PC: variants seen among roughly 807,000 people sequenced by gnomAD.
The protein encoded by PC is pyruvate carboxylase.
In PC, 46 loss-of-function variants were observed where a neutral mutation model predicts 107.8. That is an observed-to-expected ratio of 0.43 (90% confidence interval 0.34 to 0.55). The LOEUF (loss-of-function observed/expected upper bound fraction) is 0.55, where lower values mean the gene tolerates loss of function less well. Among genes scored for constraint, PC ranks in the 20% least tolerant of loss-of-function variants. The pLI, the probability that PC is intolerant of heterozygous loss-of-function variation, is 0.04. For missense variants in PC, 1,241 were observed against 1,643.1 expected (o/e 0.76, Z 4.23); for synonymous variants, 662 against 684.7 (o/e 0.97, Z 0.52).
At chr11:66,873,423 AT>A (rs1946825664) in intron 3 of PC, among the ~76,000 whole-genome samples, 1 of 84,264 alleles carries the variant, frequency 1.2e-5, no homozygotes, top group Non-Finnish European at 2.1e-5. Context: ...TATATAATAT[AT>A]TATATATATT....
intron 3 of PC, among the ~76,000 whole-genome samples, chr11:66,924,444 A>C (rs971790908): frequency 1.3e-5 from 2 of 151,782 alleles, no homozygotes; most frequent in Non-Finnish European, 2.9e-5. Context: ...GAAAGAAAGG[A>C]AAAAAGTTAG....
intron 3 of PC, among the ~76,000 whole-genome samples, chr11:66,874,126 A>T (rs560559701): frequency 6.6e-6 from 1 of 152,034 alleles, no homozygotes; most frequent in South Asian, 2.1e-4. Context: ...CGCCCAGCTA[A>T]TTTTTGTATT....
chr11:66,946,703 C>T (rs1004626827), intron 3 of PC, among the ~76,000 whole-genome samples: 3 of 152,012 alleles, frequency 2.0e-5, no homozygotes, highest in Non-Finnish European at 2.9e-5. Context: ...ATGGGAGGAT[C>T]GCTTGAGCAT....
intron 3 of PC, among the ~76,000 whole-genome samples, chr11:66,941,211 T>A (rs193224867): frequency 6.6e-6 from 1 of 152,042 alleles, no homozygotes; most frequent in African/African-American, 2.4e-5. Context: ...TTGGTGAGGA[T>A]GTGGAAAAAC....
chr11:66,874,055 G>C (rs915806584), intron 3 of PC, among the ~76,000 whole-genome samples: 3 of 152,066 alleles, frequency 2.0e-5, no homozygotes, highest in Non-Finnish European at 2.9e-5. Flanking sequence ...CGCCTCCTGG[G>C]TTCGAGTGAT....
intron 3 of PC, among the ~76,000 whole-genome samples, chr11:66,904,667 G>A (rs189699301): frequency 2.4e-4 from 36 of 152,310 alleles, no homozygotes; most frequent in African/African-American, 7.7e-4. Context: ...AAAGACACGA[G>A]TTCTAATGAA....
chr11:66,910,966 G>A (rs1306945594), intron 3 of PC, among the ~76,000 whole-genome samples: 3 of 152,170 alleles, frequency 2.0e-5, no homozygotes, highest in African/African-American at 2.4e-5. Flanking sequence ...GGGAATTTAC[G>A]TAACCTTCTG....
At chr11:66,859,913 G>C (rs1265440558) in intron 12 of PC, 6 of 1,583,156 alleles carry the variant, frequency 3.8e-6, no homozygotes, top group Non-Finnish European at 5.1e-6. Flanking sequence ...TTCGGGGCCG[G>C]GGGGCCGGAA....
chr11:66,868,826 G>T lies in PC; in HGVS notation c.1022+20C>A. On this transcript the variant is annotated intron_variant, in intron 10 of 22. Coordinates refer to ENST00000393960, the MANE Select transcript of PC (RefSeq NM_001040716.2). ...TCCTAGAAGCCGCGCCTCCCGCCCCGCCTGCCCGCCCACACTCACTCGGTG... is the reference window on the plus strand; with the variant it reads ...TCCTAGAAGCCGCGCCTCCCGCCCCTCCTGCCCGCCCACACTCACTCGGTG... The T allele has an allele frequency of 1.3e-6, 2 of 1,588,314 alleles. No individual in the cohort carries two copies. Among genetic ancestry groups the T allele is most frequent in the Non-Finnish European group, 8.6e-7 (1 of 1,157,154 alleles).
Position 66,858,351 on chromosome 11 carries a change from A to C in PC, c.1369-4968T>G. 6.2e-7 allele frequency: 1 copy of C among 1,600,944 alleles called. No homozygotes were observed. The highest frequency in any genetic ancestry group is 8.5e-7 in the Non-Finnish European group (1 of 1,176,930). ...GCTCTCCCGCCTGGACCTCACCTCC[A>C]ACCGCCTGGCCACGCTGGCTCCGGA... On this transcript the variant is annotated intron_variant, in intron 12 of 22. Transcript: ENST00000393960. This position sits in a 1 kb window ranked among gnomAD's most constrained non-coding sequence, Gnocchi z 5.9.
chr11:66,933,043 C>CA (rs1401827244), intron 3 of PC, among the ~76,000 whole-genome samples: 8 of 152,202 alleles, frequency 5.3e-5, no homozygotes, highest in Non-Finnish European at 8.8e-5. Context: ...TTAACTCTAA[C>CA]ACCTACAAAT....
At chr11:66,855,487 T>C (rs1360664698) in intron 12 of PC, among the ~76,000 whole-genome samples, 1 of 152,126 alleles carries the variant, frequency 6.6e-6, no homozygotes, top group Non-Finnish European at 1.5e-5. Flanking sequence ...TTAATAGAGA[T>C]GGGGTTTCGC....
intron 3 of PC, among the ~76,000 whole-genome samples, chr11:66,882,930 G>A (rs538908089): frequency 3.3e-5 from 5 of 152,216 alleles, no homozygotes; most frequent in Non-Finnish European, 5.9e-5. Flanking sequence ...GGGCAGGGGG[G>A]GCAGAAGGGA....
chr11:66,881,326 A>G (rs1947181676), intron 3 of PC, among the ~76,000 whole-genome samples: 1 of 152,256 alleles, frequency 6.6e-6, no homozygotes, highest in Middle Eastern at 3.2e-3. Context: ...GTCACTTGGG[A>G]CGTGTAAATA....
Position 66,851,906 on chromosome 11 carries a change from G to T in PC, c.1866C>A (p.Cys622Ter). The T allele has an allele frequency of 6.2e-7, 1 of 1,614,070 alleles. No individual in the cohort carries two copies. Residue 622 changes from cysteine to a stop codon, truncating the protein, a stop_gained, in exon 16 of 23, where the codon TGC (cysteine) becomes TGA (stop). Coordinates refer to ENST00000393960, the MANE Select transcript of PC (RefSeq NM_001040716.2). LOFTEE classifies it high-confidence loss of function. ...FDVAMRFLYE[C>*]PWRRLQELRE... ...GGAGCTCCTGCAGCCGCCGCCAGGG[G>T]CACTCATACAGGAAGCGCATGGCGA... is the stretch of plus-strand genomic sequence containing the variant.
chr11:66,901,520 A>T (rs1247353731), intron 3 of PC, among the ~76,000 whole-genome samples: 1 of 152,108 alleles, frequency 6.6e-6, no homozygotes, highest in Non-Finnish European at 1.5e-5. Flanking sequence ...CCCAGGCTGC[A>T]GTACAATGGC....
chr11:66,885,913 A>G (rs1457013146), intron 3 of PC, among the ~76,000 whole-genome samples: 2 of 152,222 alleles, frequency 1.3e-5, no homozygotes, highest in Non-Finnish European at 2.9e-5. Flanking sequence ...ACCAGATCCT[A>G]TACAGATCCT....
intron 3 of PC, among the ~76,000 whole-genome samples, chr11:66,918,407 A>T (rs966773421): frequency 5.6e-4 from 84 of 148,908 alleles, no homozygotes; most frequent in African/African-American, 1.6e-3. Flanking sequence ...TTTTTTTTTT[A>T]AAACAGAGTC....
chr11:66,906,662 T>C (rs368694821), intron 3 of PC, among the ~76,000 whole-genome samples: 1 of 151,888 alleles, frequency 6.6e-6, no homozygotes, highest in South Asian at 2.1e-4. Context: ...TACACACACA[T>C]GCACACTGCA....
Sources: allele counts gnomAD v4.1 joint callset (sites outside exome capture counted in the v4.1 genomes callset), GRCh38; gene constraint gnomAD v4.1.1; non-coding constraint Gnocchi (gnomAD v3.1); transcripts MANE v1.5; gene names NCBI Gene and HGNC (gene_info 2026-07-23, HGNC 2026-07-21).